Variants in EHMT1 observed in about 807,000 individuals in gnomAD.
EHMT1 encodes euchromatic histone lysine methyltransferase 1.
Under a neutral mutation model 147.2 loss-of-function variants are expected in EHMT1, and 15 were observed. The ratio of observed to expected loss-of-function variants is 0.10; its 90% CI spans 0.07 to 0.16. The LOEUF is 0.16. Among genes scored for constraint, EHMT1 ranks in the 10% least tolerant of loss-of-function variants. The probability of loss-of-function intolerance (pLI) is 1.00; values close to 1 mark genes in which losing one functional copy is unlikely to be tolerated. For synonymous variants in EHMT1, 795 were observed against 709.6 expected (o/e 1.12, Z -1.91); for missense variants, 1,587 against 1,772.4 (o/e 0.90, Z 1.88).
chr9:137,790,797 C>T (rs750250811), intron 15 of EHMT1, 51 bp from the exon 16 acceptor site: 62 of 1,613,840 alleles, frequency 3.8e-5, no homozygotes, highest in East Asian at 6.7e-5. Context: ...TCTCCCCAGG[C>T]GGTGGCTACC....
intron 1 of EHMT1, among the ~76,000 whole-genome samples, chr9:137,628,970 T>G (rs1313074887): frequency 6.6e-6 from 1 of 152,222 alleles, no homozygotes; most frequent in Non-Finnish European, 1.5e-5. Flanking sequence ...CTTTATTTTT[T>G]TTTTCAATCA....
At chr9:137,765,701 T>G (rs1950174257) in intron 10 of EHMT1, among the ~76,000 whole-genome samples, 1 of 130,490 alleles carries the variant, frequency 7.7e-6, no homozygotes, top group African/African-American at 2.9e-5. Context: ...TCCCCGCTTG[T>G]GTTCTTCCCG....
At chr9:137,662,903 C>T (rs189199852) in intron 1 of EHMT1, among the ~76,000 whole-genome samples, 1 of 152,044 alleles carries the variant, frequency 6.6e-6, no homozygotes, top group Non-Finnish European at 1.5e-5. Context: ...CAGCGATTCT[C>T]CTGCCTCACC....
At chr9:137,795,314 G>A (rs1283747196) in intron 16 of EHMT1, 1 of 151,892 alleles carries the variant, frequency 6.6e-6, no homozygotes, top group African/African-American at 2.4e-5. Context: ...TCCAGGTCAG[G>A]GTTGTGAGCG....
intron 1 of EHMT1, among the ~76,000 whole-genome samples, chr9:137,655,164 AATTTTTGT>A (rs1419908057): frequency 6.6e-6 from 1 of 151,770 alleles, no homozygotes; most frequent in Non-Finnish European, 1.5e-5. Context: ...ACGCTTGGCT[AATTTTTGT>A]ATTTTTGTAT....
intron 1 of EHMT1, among the ~76,000 whole-genome samples, chr9:137,679,730 A>G (rs1279131572): frequency 6.6e-6 from 1 of 151,942 alleles, no homozygotes; most frequent in Non-Finnish European, 1.5e-5. Flanking sequence ...TACATTGGAT[A>G]TTTTTTTCTG....
intron 2 of EHMT1, among the ~76,000 whole-genome samples, chr9:137,711,897 A>C (rs1438208986): frequency 6.6e-6 from 1 of 152,180 alleles, no homozygotes; most frequent in Non-Finnish European, 1.5e-5. Flanking sequence ...CTCTCCAGAC[A>C]GCGCGCAAGG....
chr9:137,658,441 G>A (rs1009738124), intron 1 of EHMT1, among the ~76,000 whole-genome samples: 2 of 152,080 alleles, frequency 1.3e-5, no homozygotes, highest in African/African-American at 2.4e-5. Flanking sequence ...GTGAGCCACC[G>A]CACCCAGCGC....
intron 1 of EHMT1, among the ~76,000 whole-genome samples, chr9:137,677,615 C>T (rs758967780): frequency 1.4e-4 from 22 of 151,964 alleles, no homozygotes; most frequent in Middle Eastern, 3.4e-3. Context: ...TTAGTAGAGA[C>T]GGGGTTTCAT....
chr9:137,733,534 T>G (rs963037615), intron 4 of EHMT1, among the ~76,000 whole-genome samples: 3 of 152,206 alleles, frequency 2.0e-5, no homozygotes, highest in Admixed American at 6.5e-5. Context: ...ACGGTTAATT[T>G]CAGTCAGTTT....
chr9:137,791,763 G>A (rs756692528), intron 16 of EHMT1, among the ~76,000 whole-genome samples: 6 of 152,090 alleles, frequency 3.9e-5, no homozygotes, highest in Non-Finnish European at 7.4e-5. Flanking sequence ...AGACAGTCTT[G>A]CTCTGTCACC....
At chr9:137,623,364 G>A (rs920193084) in intron 1 of EHMT1, among the ~76,000 whole-genome samples, 2 of 151,888 alleles carry the variant, frequency 1.3e-5, no homozygotes, top group African/African-American at 2.4e-5. Flanking sequence ...AGCTAGCCAG[G>A]AAGGTGTGGT....
In EHMT1 at chr9:137,716,070, AATT is replaced by A. The variant is rs1317027072; in HGVS notation, c.86-555_86-553del. 6.5e-4 allele frequency among the ~76,000 whole-genome samples: 46 copies of A among 70,970 alleles called. 1 individual carries two copies. Among genetic ancestry groups the A allele is most frequent in the African/African-American group, 2.3e-3 (39 of 16,840 alleles). 46.6% of individuals were successfully genotyped at this position (70,970 alleles called of 152,430 possible). ...TGTTGGTGTCATGGTGGGGGGAGGA[AATT>A]GTGGTGTCGTGGTGGGGGAGGAAGT... is the stretch of plus-strand genomic sequence containing the variant. On this transcript the variant is annotated intron_variant, in intron 2 of 26. Transcript: ENST00000460843.
At chr9:137,799,743 G>A (rs549468870) in intron 17 of EHMT1, among the ~76,000 whole-genome samples, 1 of 152,352 alleles carries the variant, frequency 6.6e-6, no homozygotes, top group South Asian at 2.1e-4. Context: ...CAGCTTCTGT[G>A]CCCTCTTGGC....
rs772535266 is a variant in EHMT1, at chr9:137,782,412, C to T, written c.2382+15C>T. Reference sequence around the variant, plus strand: ...TGCTGGTTCAGGTGCGGCGGCACGGCGCCCTCCTAGGGCTCTTCACCTGCT... The same window carrying T: ...TGCTGGTTCAGGTGCGGCGGCACGGTGCCCTCCTAGGGCTCTTCACCTGCT... On this transcript the variant is annotated intron_variant, in intron 15 of 26. Transcript: ENST00000460843. The surrounding 1 kb of genome is among the most constrained non-coding windows in gnomAD (Gnocchi z 5.7). 2.8e-5 allele frequency: 45 copies of T among 1,597,338 alleles called. No homozygotes were observed. The highest frequency in any genetic ancestry group is 6.8e-5 in the Admixed American group (4 of 58,990).
chr9:137,740,541 G>A (rs1327203387), intron 4 of EHMT1, among the ~76,000 whole-genome samples: 1 of 152,174 alleles, frequency 6.6e-6, no homozygotes, highest in Non-Finnish European at 1.5e-5. Context: ...CCCCTTCCCT[G>A]GACACAGCTG....
intron 15 of EHMT1, chr9:137,789,232 C>G (rs919857497): frequency 2.0e-5 from 3 of 152,360 alleles, no homozygotes; most frequent in African/African-American, 7.2e-5. Flanking sequence ...ATGCTCCGCC[C>G]GAAGCCGTCA....
At position 137,782,411 on chromosome 9, in the gene EHMT1, G is replaced by A; in HGVS notation, c.2382+14G>A. On this transcript the variant is annotated intron_variant, in intron 15 of 26. Transcript: ENST00000460843. This position sits in a 1 kb window ranked among gnomAD's most constrained non-coding sequence, Gnocchi z 5.7. The stretch of plus-strand genomic sequence containing the variant: ...ATGCTGGTTCAGGTGCGGCGGCACG[G>A]CGCCCTCCTAGGGCTCTTCACCTGC... The A allele has an allele frequency of 6.3e-7, 1 of 1,599,246 alleles. No individual in the cohort carries two copies. Among genetic ancestry groups the A allele is most frequent in the African/African-American group, 1.3e-5 (1 of 74,680 alleles).
intron 1 of EHMT1, among the ~76,000 whole-genome samples, chr9:137,656,277 G>T (rs1938437223): frequency 6.6e-6 from 1 of 152,186 alleles, no homozygotes. Context: ...CTACTCAGGA[G>T]GCTGAGGCAG....
Sources: allele counts gnomAD v4.1 joint callset (sites outside exome capture counted in the v4.1 genomes callset), GRCh38; gene constraint gnomAD v4.1.1; non-coding constraint Gnocchi (gnomAD v3.1); transcripts MANE v1.5; gene names NCBI Gene and HGNC (gene_info 2026-07-23, HGNC 2026-07-21).